Variants in PKHD1L1 observed in about 807,000 individuals in gnomAD.
PKHD1L1 encodes the protein PKHD1 like 1, also known as fibrocystin-L.
PKHD1L1 carries 434 observed loss-of-function variants against 462.9 expected under a neutral mutation model. The ratio of observed to expected loss-of-function variants is 0.94; its 90% CI spans 0.87 to 1.02. The LOEUF is 1.02. Among genes scored for constraint, PKHD1L1 ranks in the 50% least tolerant of loss-of-function variants. The probability of loss-of-function intolerance (pLI) is 0.00; values close to 1 mark genes in which losing one functional copy is unlikely to be tolerated. For missense variants in PKHD1L1, 5,202 were observed against 5,096.1 expected (o/e 1.02, Z -0.63); for synonymous variants, 1,781 against 1,750.0 (o/e 1.02, Z -0.44).
In PKHD1L1 at chr8:109,464,662, A is replaced by AT. The variant is rs772885536; in HGVS notation, c.7836dup (p.Asn2613Ter). ...GTCAAAAAAGAGTTCCCCTTGGCGA[A>AT]TTTTTTAACAATACTGTCCATTCTC... On this transcript the variant is annotated frameshift_variant, in exon 49 of 78. Coordinates refer to ENST00000378402, the MANE Select transcript of PKHD1L1 (RefSeq NM_177531.6). LOFTEE classifies it high-confidence loss of function. 1.2e-5 allele frequency: 19 copies of AT among 1,613,018 alleles called. No individual in the cohort carries two copies. Among genetic ancestry groups the AT allele is most frequent in the African/African-American group, 2.7e-5 (2 of 74,896 alleles).
intron 51 of PKHD1L1, among the ~76,000 whole-genome samples, chr8:109,475,898 G>A (rs957206901): frequency 6.9e-6 from 1 of 144,054 alleles, no homozygotes; most frequent in African/African-American, 2.6e-5. Context: ...CTAACATTCT[G>A]TGAATATTTA....
At chr8:109,520,121 T>C (rs1452631438) in intron 73 of PKHD1L1, among the ~76,000 whole-genome samples, 1 of 151,624 alleles carries the variant, frequency 6.6e-6, no homozygotes, top group East Asian at 2.0e-4. Context: ...TTATAAACTC[T>C]TGGTTAGAAG....
intron 71 of PKHD1L1, among the ~76,000 whole-genome samples, chr8:109,514,453 T>G (rs982630751): frequency 6.6e-6 from 1 of 152,098 alleles, no homozygotes; most frequent in South Asian, 2.1e-4. Flanking sequence ...ATGGCTGAAA[T>G]AGGAACTCAA....
chr8:109,478,751 G>C (rs990701328), intron 53 of PKHD1L1, among the ~76,000 whole-genome samples: 1 of 152,034 alleles, frequency 6.6e-6, no homozygotes, highest in African/African-American at 2.4e-5. Flanking sequence ...GATTGCTCTA[G>C]GCCAGAATGT....
intron 8 of PKHD1L1, among the ~76,000 whole-genome samples, chr8:109,389,805 G>A (rs184284076): frequency 7.9e-5 from 12 of 152,212 alleles, no homozygotes; most frequent in South Asian, 4.1e-4. Flanking sequence ...TGGGATTACA[G>A]GGGTGAGCCA....
intron 9 of PKHD1L1, among the ~76,000 whole-genome samples, chr8:109,393,359 T>C (rs879479327): frequency 3.9e-5 from 6 of 152,196 alleles, no homozygotes; most frequent in Non-Finnish European, 5.9e-5. Context: ...AATATTTGAA[T>C]TTCTTAACTT....
chr8:109,402,957 C>T (rs1011886357), intron 14 of PKHD1L1, among the ~76,000 whole-genome samples: 8 of 152,152 alleles, frequency 5.3e-5, no homozygotes, highest in Admixed American at 1.3e-4. Context: ...ACATTTTCTT[C>T]TATAACCATG....
intron 4 of PKHD1L1, among the ~76,000 whole-genome samples, chr8:109,383,195 TA>T (rs1186890828): frequency 3.7e-5 from 4 of 107,238 alleles, no homozygotes; most frequent in African/African-American, 1.5e-4. Flanking sequence ...TAATTATATA[TA>T]ATTATATATT....
chr8:109,389,758 C>T (rs1420923046), intron 8 of PKHD1L1, among the ~76,000 whole-genome samples: 6 of 152,024 alleles, frequency 3.9e-5, no homozygotes, highest in African/African-American at 1.2e-4. Flanking sequence ...AAACTCCTGA[C>T]TTCGGGTGAT....
intron 2 of PKHD1L1, among the ~76,000 whole-genome samples, chr8:109,369,924 C>T (rs960904029): frequency 1.3e-5 from 2 of 151,964 alleles, no homozygotes; most frequent in South Asian, 4.2e-4. Flanking sequence ...TAGTTTATGC[C>T]GGATGAGTTA....
At chr8:109,507,208 A>G (rs879308807) in intron 68 of PKHD1L1, among the ~76,000 whole-genome samples, 2 of 152,164 alleles carry the variant, frequency 1.3e-5, no homozygotes, top group Non-Finnish European at 2.9e-5. Context: ...ATTTTATAGT[A>G]AGCAATAATT....
chr8:109,388,374 G>A, intron 6 of PKHD1L1, 123 bp from the exon 7 acceptor site: 1 of 702,078 alleles, frequency 1.4e-6, no homozygotes, highest in Middle Eastern at 2.9e-4. Context: ...GCATGAGTGA[G>A]GGATAATAAT....
Position 109,480,043 on chromosome 8 carries a change from T to C in PKHD1L1, c.9231T>C (p.Ile3077=), listed in dbSNP as rs760773554. 6 of 1,595,188 alleles carry C rather than the reference T, an allele frequency of 3.8e-6. No homozygotes were observed. The African/African-American group carries it at 6.8e-5, about 18-fold the overall frequency. ...TGCCATCAATGGAAAGACTCATTAT[T>C]TGGGGGGTTCTAGAACTGGAAGATA... The part of the protein sequence containing the change: ...IDMPSMERLI[I]WGVLELEDKY... The change falls in exon 55 of 78, where the codon ATT becomes ATC. Residue 3077 remains isoleucine (I), a synonymous_variant. Coordinates refer to ENST00000378402, the MANE Select transcript of PKHD1L1 (RefSeq NM_177531.6).
chr8:109,385,559 C>A lies in PKHD1L1; in HGVS notation c.498C>A (p.Gly166=). ...GTPGTLITIQ[G]RIFTDVYGSN... The stretch of plus-strand genomic sequence containing the variant: ...CAGGTACACTAATAACAATCCAAGG[C>A]AGAATCTTCACTGATGTCTATGGAA... Residue 166 remains glycine (G), a synonymous_variant, in exon 6 of 78, where the codon GGC becomes GGA. Coordinates refer to ENST00000378402, the MANE Select transcript of PKHD1L1 (RefSeq NM_177531.6). The A allele has an allele frequency of 6.2e-7, 1 of 1,603,828 alleles. No individual in the cohort carries two copies. Among genetic ancestry groups the A allele is most frequent in the Non-Finnish European group, 8.5e-7 (1 of 1,173,884 alleles).
chr8:109,463,134 A>T (rs1277624392), intron 48 of PKHD1L1, among the ~76,000 whole-genome samples: 1 of 152,176 alleles, frequency 6.6e-6, no homozygotes, highest in African/African-American at 2.4e-5. Context: ...CATGGCATAT[A>T]GTAGATTCTC....
intron 56 of PKHD1L1, 33 bp from the exon 57 acceptor site, chr8:109,482,954 G>A (rs1818342941): frequency 7.2e-7 from 1 of 1,398,574 alleles, no homozygotes; most frequent in Admixed American, 2.0e-5. Flanking sequence ...GTACTGTGGG[G>A]TGAATAAGTA....
At chr8:109,445,678 T>C (rs758908694) in intron 38 of PKHD1L1, 33 bp downstream of exon 38, 3 of 1,514,582 alleles carry the variant, frequency 2.0e-6, no homozygotes, top group Non-Finnish European at 2.7e-6. Context: ...ATCTTGATAT[T>C]ATAGTATCGA....
chr8:109,449,308 T>C, intron 39 of PKHD1L1, 30 bp from the exon 40 acceptor site: 1 of 1,536,932 alleles, frequency 6.5e-7, no homozygotes, highest in Non-Finnish European at 8.8e-7. Context: ...TTAATTAGCT[T>C]TGTTTTTCCT....
intron 10 of PKHD1L1, among the ~76,000 whole-genome samples, chr8:109,395,502 A>G (rs1414045951): frequency 6.6e-6 from 1 of 152,248 alleles, no homozygotes; most frequent in Admixed American, 6.5e-5. Flanking sequence ...GTAAGAATAC[A>G]TAGATATTTG....
Sources: allele counts gnomAD v4.1 joint callset (sites outside exome capture counted in the v4.1 genomes callset), GRCh38; gene constraint gnomAD v4.1.1; transcripts MANE v1.5; gene names NCBI Gene and HGNC (gene_info 2026-07-23, HGNC 2026-07-21).